Variants in CHURC1 observed in about 807,000 individuals in gnomAD.
CHURC1 encodes churchill domain containing 1.
Under a neutral mutation model 15.4 loss-of-function variants are expected in CHURC1, and 12 were observed. The ratio of observed to expected loss-of-function variants is 0.78; its 90% confidence interval spans 0.50 to 1.27. CHURC1 has a LOEUF of 1.27. Ranked by LOEUF, CHURC1 falls within the 50% of genes most tolerant of loss-of-function variation. The probability of loss-of-function intolerance (pLI) is 0.00; values close to 1 mark genes in which losing one functional copy is unlikely to be tolerated. For missense variants in CHURC1, 132 were observed against 137.8 expected (o/e 0.96, Z 0.21); for synonymous variants, 42 against 47.5 (o/e 0.88, Z 0.48).
At chr14:64,923,887 A>G (rs1884494617) in intron 1 of CHURC1, 104 bp from the exon 2 acceptor site, 19 of 1,193,396 alleles carry the variant, frequency 1.6e-5, no homozygotes, top group Non-Finnish European at 1.9e-5. Flanking sequence ...AATGCTGGCC[A>G]TTTTTTAGTT....
At chr14:64,930,968 G>A (rs1276410372) in intron 3 of CHURC1, 4 of 389,428 alleles carry the variant, frequency 1.0e-5, no homozygotes, top group Non-Finnish European at 5.0e-6. Context: ...AGATGGAAAA[G>A]GCAGTTGCCT....
In CHURC1 at chr14:64,934,190, AAAAC is replaced by A. The variant is rs1885219988; in HGVS notation, c.*1964_*1967del. Reference sequence around the variant, plus strand: ...CAACCTCGTCTTTACTAAAAATACAAAAACAAAAATTAGCCAGGGGTGGTGGTAT... The same window carrying A: ...CAACCTCGTCTTTACTAAAAATACAAAAAAATTAGCCAGGGGTGGTGGTAT... On this transcript the variant is annotated 3_prime_UTR_variant, in exon 4 of 4. Coordinates refer to ENST00000549115, the MANE Select transcript of CHURC1 (RefSeq NM_001386928.1). The A allele has an allele frequency of 2.1e-6, 1 of 469,990 alleles. No individual in the cohort carries two copies. The highest frequency in any genetic ancestry group is 9.2e-5 in the South Asian group (1 of 10,916). The allele number at this position is 469,990 out of a possible 1,614,324, so 29.1% of individuals were successfully genotyped here. A position where few individuals can be genotyped will look rare whatever the true frequency, so the allele number is the denominator to read the frequency against.
chr14:64,932,595 A>G lies in CHURC1; in HGVS notation c.*365A>G, dbSNP rs1885140626. The G allele has an allele frequency of 5.6e-6, 2 of 357,244 alleles. No individual in the cohort carries two copies. Among genetic ancestry groups the G allele is most frequent in the African/African-American group, 2.2e-5 (1 of 45,068 alleles). 22.1% of individuals were successfully genotyped at this position (357,244 alleles called of 1,614,324 possible). Reference sequence around the variant, plus strand: ...AGAACTGGGATATGAACTGTACAAGATGAGCCTAGAGTATCTTGTGCCACA... The same window carrying G: ...AGAACTGGGATATGAACTGTACAAGGTGAGCCTAGAGTATCTTGTGCCACA... On this transcript the variant is annotated 3_prime_UTR_variant, in exon 4 of 4. Coordinates refer to ENST00000549115, the MANE Select transcript of CHURC1 (RefSeq NM_001386928.1).
chr14:64,916,879 T>A (rs1243391189), intron 1 of CHURC1, among the ~76,000 whole-genome samples: 2 of 151,982 alleles, frequency 1.3e-5, no homozygotes, highest in East Asian at 3.9e-4. Context: ...CGCCGGGCCT[T>A]AGGTTGGATT....
intron 1 of CHURC1, among the ~76,000 whole-genome samples, chr14:64,922,920 T>C (rs556715937): frequency 6.6e-6 from 1 of 152,200 alleles, no homozygotes; most frequent in South Asian, 2.1e-4. Flanking sequence ...TCGCTGATGC[T>C]TCTTAAAACT....
intron 1 of CHURC1, among the ~76,000 whole-genome samples, chr14:64,914,922 A>G (rs1883759026): frequency 6.6e-6 from 1 of 152,198 alleles, no homozygotes; most frequent in Admixed American, 6.5e-5. Flanking sequence ...CATCTGTTCT[A>G]ACACTTTTGC....
At chr14:64,921,118 TC>T (rs1884263694) in intron 1 of CHURC1, among the ~76,000 whole-genome samples, 1 of 152,132 alleles carries the variant, frequency 6.6e-6, no homozygotes, top group African/African-American at 2.4e-5. Context: ...AGACAGTTCT[TC>T]AACAAATCTT....
At chr14:64,921,567 A>G (rs1318388283) in intron 1 of CHURC1, among the ~76,000 whole-genome samples, 1 of 152,240 alleles carries the variant, frequency 6.6e-6, no homozygotes, top group Non-Finnish European at 1.5e-5. Context: ...AAGATGCTCA[A>G]CATCATTAGT....
At position 64,916,412 on chromosome 14, in the gene CHURC1, C is replaced by T. The variant is rs575569100; in HGVS notation, c.39+1878C>T. On this transcript the variant is annotated intron_variant, in intron 1 of 3. Coordinates refer to ENST00000549115, the MANE Select transcript of CHURC1 (RefSeq NM_001386928.1). ...ACAGATGTACACTTTATAATCATTT[C>T]TTGTTCGCTACATTTATGTTTCATG... is the stretch of plus-strand genomic sequence containing the variant. Among the ~76,000 whole-genome samples the T allele has an allele frequency of 3.9e-5, 6 of 152,200 alleles. No individual in the cohort carries two copies. The South Asian group carries it at 1.2e-3, about 32-fold the overall frequency.
intron 3 of CHURC1, among the ~76,000 whole-genome samples, chr14:64,927,187 A>G (rs557724203): frequency 9.2e-5 from 14 of 152,366 alleles, no homozygotes; most frequent in African/African-American, 3.4e-4. Context: ...GAAAGTGCTT[A>G]GTCACCTGTC....
rs1885258201 is a variant in CHURC1 at position 64,934,947 on chromosome 14, AT to A, written c.*2721del. ...GTGCTGTGTTTTGTGATATTTTATC[AT>A]TTTCTAGATTCTTATGTGGATCTAA... On this transcript the variant is annotated 3_prime_UTR_variant, in exon 4 of 4. Coordinates refer to ENST00000549115, the MANE Select transcript of CHURC1 (RefSeq NM_001386928.1). 29 of 984,188 alleles carry A rather than the reference AT, an allele frequency of 2.9e-5. 1 individual carries two copies. The South Asian group carries it at 1.3e-3, about 43-fold the overall frequency. The allele number at this position is 984,188 out of a possible 1,614,324, so 61.0% of individuals were successfully genotyped here.
chr14:64,926,081 GTAAATATAAATATGGGTA>G lies in CHURC1; in HGVS notation c.246+18_246+35del, dbSNP rs771615291. ...ATTCAGTATCATGGATGAATTTCAG[GTAAATATAAATATGGGTA>G]TAAATATAAATATGGGGAGGTTAGG... On this transcript the variant is annotated splice_donor_variant and splice_donor_5th_base_variant and intron_variant, in intron 3 of 3. Transcript: ENST00000549115. LOFTEE classifies it high-confidence loss of function. 49 of 1,583,314 alleles carry G rather than the reference GTAAATATAAATATGGGTA, an allele frequency of 3.1e-5. No individual in the cohort carries two copies. The South Asian group carries it at 4.7e-4, about 15-fold the overall frequency.
chr14:64,916,906 T>C (rs1883927734), intron 1 of CHURC1, among the ~76,000 whole-genome samples: 1 of 152,220 alleles, frequency 6.6e-6, no homozygotes, highest in Admixed American at 6.5e-5. Context: ...AGTGGAGTTA[T>C]TGTAAAACTT....
chr14:64,926,099 A>G lies in CHURC1; in HGVS notation c.246+19A>G, dbSNP rs377383324. 1 of 1,512,464 alleles carries G rather than the reference A, an allele frequency of 6.6e-7. No individual in the cohort carries two copies. Among genetic ancestry groups the G allele is most frequent in the South Asian group, 1.2e-5 (1 of 81,090 alleles). The allele number at this position is 1,512,464 out of a possible 1,614,324, so 93.7% of individuals were successfully genotyped here. ...ATTTCAGGTAAATATAAATATGGGTATAAATATAAATATGGGGAGGTTAGG... is the reference window on the plus strand; with the variant it reads ...ATTTCAGGTAAATATAAATATGGGTGTAAATATAAATATGGGGAGGTTAGG... On this transcript the variant is annotated intron_variant, in intron 3 of 3. Transcript: ENST00000549115.
chr14:64,932,162 T>C lies in CHURC1; in HGVS notation c.271T>C (p.Cys91Arg), dbSNP rs749732606. Residue 91 changes from cysteine (C) to arginine (R), a missense_variant, in exon 4 of 4, where the codon TGC becomes CGC. Physicochemically the swap from Cys to Arg is radical, Grantham distance 180. Coordinates refer to ENST00000549115, the MANE Select transcript of CHURC1 (RefSeq NM_001386928.1). Reference sequence around the variant, plus strand: ...GGAGTATACCATGCTGTGTCTGTTATGCGGCAAAGCCGAAGATACTATCAG... The same window carrying C: ...GGAGTATACCATGCTGTGTCTGTTACGCGGCAAAGCCGAAGATACTATCAG... ...FQEYTMLCLL[C>R]GKAEDTISIL... is the part of the protein sequence containing the mutation. 2.5e-5 allele frequency: 41 copies of C among 1,613,948 alleles called. No homozygotes were observed. Among genetic ancestry groups the C allele is most frequent in the Admixed American group, 5.0e-5 (3 of 60,010 alleles).
intron 3 of CHURC1, among the ~76,000 whole-genome samples, chr14:64,928,422 A>T (rs1041009316): frequency 2.6e-5 from 4 of 151,840 alleles, no homozygotes; most frequent in Non-Finnish European, 4.4e-5. Context: ...TATTTAAAAA[A>T]TTTTTTTTGT....
chr14:64,932,503 C>T lies in CHURC1; in HGVS notation c.*273C>T. ...TCAGAAAACAACTAGAATGGGAGCA[C>T]ACCTGGTGCCCAGATTTTGGTTTCC... On this transcript the variant is annotated 3_prime_UTR_variant, in exon 4 of 4. Coordinates refer to ENST00000549115, the MANE Select transcript of CHURC1 (RefSeq NM_001386928.1). 5 of 1,116,702 alleles carry T rather than the reference C, an allele frequency of 4.5e-6. No homozygotes were observed. The highest frequency in any genetic ancestry group is 3.4e-5 in the South Asian group (1 of 29,614). The allele number at this position is 1,116,702 out of a possible 1,614,324, so 69.2% of individuals were successfully genotyped here. A position where few individuals can be genotyped will look rare whatever the true frequency, so the allele number is the denominator to read the frequency against.
At chr14:64,925,466 G>T (rs1447815516) in intron 2 of CHURC1, among the ~76,000 whole-genome samples, 1 of 151,772 alleles carries the variant, frequency 6.6e-6, no homozygotes, top group Non-Finnish European at 1.5e-5. Flanking sequence ...TGAGCCCAGG[G>T]GTTCAAGACC....
At position 64,933,276 on chromosome 14, in the gene CHURC1, A is replaced by G. The variant is rs1163923784; in HGVS notation, c.*1046A>G. On this transcript the variant is annotated 3_prime_UTR_variant, in exon 4 of 4. Coordinates refer to ENST00000549115, the MANE Select transcript of CHURC1 (RefSeq NM_001386928.1). ...TGCTAGATGTAATGTGGTATCCTAC[A>G]TGGAATTATATACCACGAAAAGAAA... The G allele has an allele frequency of 2.0e-5, 13 of 640,392 alleles. No individual in the cohort carries two copies. The East Asian group carries it at 5.6e-4, about 27-fold the overall frequency. 39.7% of individuals were successfully genotyped at this position (640,392 alleles called of 1,614,324 possible). A position where few individuals can be genotyped will look rare whatever the true frequency, so the allele number is the denominator to read the frequency against.
Sources: allele counts gnomAD v4.1 joint callset (sites outside exome capture counted in the v4.1 genomes callset), GRCh38; gene constraint gnomAD v4.1.1; transcripts MANE v1.5; gene names NCBI Gene and HGNC (gene_info 2026-07-23, HGNC 2026-07-21).